The following USP46 variants were observed in gnomAD, a reference collection of about 807,000 sequenced individuals.
USP46 encodes the protein ubiquitin specific peptidase 46, also known as ubiquitin carboxyl-terminal hydrolase 46.
A neutral mutation model predicts 44.4 loss-of-function variants in USP46; 12 were observed. That is an observed-to-expected ratio of 0.27 (90% CI 0.17 to 0.44). The LOEUF is 0.44. Ranked by LOEUF, USP46 falls within the 20% of genes least tolerant of loss-of-function variation. The pLI is 1.00. For synonymous variants in USP46, 155 were observed against 161.5 expected, an observed-to-expected ratio of 0.96 and a Z score of 0.31; for missense variants, 248 against 444.8, an observed-to-expected ratio of 0.56 and a Z score of 3.98.
intron 2 of USP46, among the ~76,000 whole-genome samples, chr4:52,629,078 T>C (rs1717707954): frequency 6.6e-6 from 1 of 152,198 alleles, no homozygotes; most frequent in South Asian, 2.1e-4. Flanking sequence ...ACTAACAAGA[T>C]TAATAACACA....
intron 1 of USP46, among the ~76,000 whole-genome samples, chr4:52,647,496 C>T (rs573018154): frequency 9.7e-4 from 147 of 152,290 alleles, no homozygotes; most frequent in African/African-American, 3.4e-3. Context: ...ATGTATTTCT[C>T]AGTTAGGAAG....
intron 1 of USP46, among the ~76,000 whole-genome samples, chr4:52,655,946 T>C (rs955377869): frequency 2.0e-5 from 3 of 152,122 alleles, no homozygotes; most frequent in African/African-American, 4.8e-5. Context: ...ACAAGAAGTA[T>C]GGGGAAAAGA....
At chr4:52,611,365 T>C (rs1716927111) in intron 4 of USP46, among the ~76,000 whole-genome samples, 1 of 152,246 alleles carries the variant, frequency 6.6e-6, no homozygotes, top group African/African-American at 2.4e-5. Flanking sequence ...CAAGGCTCAC[T>C]GAATAAGTGC....
At chr4:52,648,943 TAGAC>T (rs1718655028) in intron 1 of USP46, among the ~76,000 whole-genome samples, 1 of 152,220 alleles carries the variant, frequency 6.6e-6, no homozygotes, top group Admixed American at 6.5e-5. Context: ...GGAACCCAAT[TAGAC>T]AGTTTCCTGT....
chr4:52,653,226 C>T (rs1397701214), intron 1 of USP46, among the ~76,000 whole-genome samples: 1 of 152,088 alleles, frequency 6.6e-6, no homozygotes, highest in East Asian at 1.9e-4. Flanking sequence ...GTTTTCGTGG[C>T]AGGGCACAGT....
intron 4 of USP46, 44 bp downstream of exon 4, chr4:52,625,973 TA>T: frequency 6.4e-7 from 1 of 1,557,226 alleles, no homozygotes; most frequent in Non-Finnish European, 8.8e-7. Flanking sequence ...ATAGCGTACA[TA>T]AATATGAACA....
At position 52,656,552 on chromosome 4, in the gene USP46, T is replaced by A. The variant is rs1192848478; in HGVS notation, c.36+2563A>T. 8.6e-6 allele frequency: 12 copies of A among 1,399,410 alleles called. No homozygotes were observed. In the East Asian group the frequency reaches 2.9e-4, roughly 34 times the overall value. The allele number at this position is 1,399,410 out of a possible 1,614,324, so 86.7% of individuals were successfully genotyped here. A position where few individuals can be genotyped will look rare whatever the true frequency, so the allele number is the denominator to read the frequency against. The stretch of plus-strand genomic sequence containing the variant: ...TTCCACCAGGTCTGAAATGGCATGA[T>A]CTCCACTGTCCCTTAAACACCTGGT... On this transcript the variant is annotated intron_variant, in intron 1 of 8. Coordinates refer to ENST00000441222, the MANE Select transcript of USP46 (RefSeq NM_022832.4).
chr4:52,625,717 G>A (rs558630347), intron 4 of USP46, among the ~76,000 whole-genome samples: 2 of 152,254 alleles, frequency 1.3e-5, no homozygotes, highest in South Asian at 4.1e-4. Context: ...ATCTTTGCAA[G>A]GTAACTGGTT....
At chr4:52,623,304 C>T (rs1018639462) in intron 4 of USP46, among the ~76,000 whole-genome samples, 1 of 151,910 alleles carries the variant, frequency 6.6e-6, no homozygotes, top group Non-Finnish European at 1.5e-5. Context: ...GATGTTTAAA[C>T]GTATACAAAG....
chr4:52,647,358 T>C (rs1157017245), intron 1 of USP46, among the ~76,000 whole-genome samples: 1 of 152,194 alleles, frequency 6.6e-6, no homozygotes, highest in African/African-American at 2.4e-5. Context: ...GAGATAAGAA[T>C]TGGACACTGG....
intron 3 of USP46, 131 bp from the exon 4 acceptor site, chr4:52,626,378 A>G (rs1717586661): frequency 1.3e-6 from 1 of 744,464 alleles, no homozygotes. Flanking sequence ...GCTAGAGCGT[A>G]GTGGCATGAT....
intron 2 of USP46, 104 bp from the exon 3 acceptor site, chr4:52,628,267 G>T: frequency 8.9e-7 from 1 of 1,126,880 alleles, no homozygotes; most frequent in Non-Finnish European, 1.3e-6. Flanking sequence ...AACTGGCCTG[G>T]ATGTCCCTGT....
chr4:52,611,213 C>G (rs1042164816), intron 4 of USP46, among the ~76,000 whole-genome samples: 1 of 152,222 alleles, frequency 6.6e-6, no homozygotes, highest in African/African-American at 2.4e-5. Flanking sequence ...TGACAATGAC[C>G]AGACCTGGGG....
At position 52,597,451 on chromosome 4, in the gene USP46, G is replaced by A. The variant is rs542204579; in HGVS notation, c.*189C>T. On this transcript the variant is annotated 3_prime_UTR_variant, in exon 9 of 9. Coordinates refer to ENST00000441222, the MANE Select transcript of USP46 (RefSeq NM_022832.4). The stretch of plus-strand genomic sequence containing the variant: ...TCTGATTGCAGTTAACTCTATGTCA[G>A]ACTGAAATAAAACCAAGAGTAGTGC... 1.8e-6 allele frequency: 1 copy of A among 541,660 alleles called. No individual in the cohort carries two copies. The highest frequency in any genetic ancestry group is 3.8e-5 in the Admixed American group (1 of 26,478). 33.6% of individuals were successfully genotyped at this position (541,660 alleles called of 1,614,324 possible). A position where few individuals can be genotyped will look rare whatever the true frequency, so the allele number is the denominator to read the frequency against.
chr4:52,634,346 T>C (rs140523710), intron 1 of USP46, among the ~76,000 whole-genome samples: 87 of 149,908 alleles, frequency 5.8e-4, no homozygotes, highest in African/African-American at 2.1e-3. Flanking sequence ...CTGTCTCTAC[T>C]AAAAATACAA....
chr4:52,628,343 C>A, intron 2 of USP46, 180 bp from the exon 3 acceptor site: 2 of 580,620 alleles, frequency 3.4e-6, no homozygotes, highest in Non-Finnish European at 6.0e-6. Context: ...ACCATCTGAT[C>A]CACAGAGAAA....
chr4:52,645,276 T>A (rs920362786), intron 1 of USP46, among the ~76,000 whole-genome samples: 1 of 151,096 alleles, frequency 6.6e-6, no homozygotes, highest in African/African-American at 2.4e-5. Flanking sequence ...TTAATAATTG[T>A]ACACAGAAGC....
chr4:52,633,024 A>C (rs1236391941), intron 1 of USP46, among the ~76,000 whole-genome samples: 1 of 149,804 alleles, frequency 6.7e-6, no homozygotes, highest in African/African-American at 2.5e-5. Flanking sequence ...GAAAGAAAGA[A>C]AGAAAAAGAA....
At chr4:52,632,984 G>GAAAGAAAGA (rs1175060206) in intron 1 of USP46, among the ~76,000 whole-genome samples, 1 of 52,536 alleles carries the variant, frequency 1.9e-5, no homozygotes, top group Non-Finnish European at 4.3e-5. Context: ...AAGAAAGAAA[G>GAAAGAAAGA]AAAAGAAAAG....
Sources: gnomAD v4.1 joint callset for allele counts (sites outside exome capture counted in the v4.1 genomes callset) on GRCh38, gnomAD v4.1.1 for gene constraint, MANE v1.5 for transcripts, NCBI Gene and HGNC (gene_info 2026-07-23, HGNC 2026-07-21) for gene names.